LRRC49: variants seen among roughly 807,000 people sequenced by gnomAD.
LRRC49 encodes leucine-rich repeat-containing protein 49.
Under a neutral mutation model 83.3 loss-of-function variants are expected in LRRC49, and 50 were observed. The observed-to-expected ratio is 0.60, with a 90% CI of 0.48 to 0.76. The LOEUF (loss-of-function observed/expected upper bound fraction) is 0.76, where lower values mean the gene tolerates loss of function less well. Among genes scored for constraint, LRRC49 ranks in the 30% least tolerant of loss-of-function variants. The probability of loss-of-function intolerance (pLI) is 0.00; values close to 1 mark genes in which losing one functional copy is unlikely to be tolerated. For synonymous variants in LRRC49, 286 were observed against 283.3 expected (o/e 1.01, Z -0.10); for missense variants, 704 against 809.1 (o/e 0.87, Z 1.58).
Position 71,049,752 on chromosome 15 carries a change from C to T in LRRC49, c.*140C>T, listed in dbSNP as rs1031596943. ...TATAAAAGCATTATTGCCCACTGTT[C>T]TCATAGCTAAAAGTTAAGAAGGAAG... On this transcript the variant is annotated 3_prime_UTR_variant, in exon 16 of 16. Transcript: ENST00000260382. 10 of 587,060 alleles carry T rather than the reference C, an allele frequency of 1.7e-5. No individual in the cohort carries two copies. The highest frequency in any genetic ancestry group is 3.4e-5 in the Admixed American group (1 of 29,456). 36.4% of individuals were successfully genotyped at this position (587,060 alleles called of 1,614,324 possible). A position where few individuals can be genotyped will look rare whatever the true frequency, so the allele number is the denominator to read the frequency against.
chr15:70,936,224 C>T (rs2035592497), intron 7 of LRRC49, among the ~76,000 whole-genome samples: 1 of 152,090 alleles, frequency 6.6e-6, no homozygotes, highest in South Asian at 2.1e-4. Context: ...TTCAGTGACA[C>T]TTACCATGAT....
chr15:70,956,495 C>T (rs1475189882), intron 8 of LRRC49, among the ~76,000 whole-genome samples: 1 of 148,062 alleles, frequency 6.8e-6, no homozygotes, highest in Non-Finnish European at 1.5e-5. Context: ...TTCTTAAACC[C>T]TCTGCCAAAA....
chr15:71,008,821 C>CA (rs1051013186), intron 12 of LRRC49, among the ~76,000 whole-genome samples: 3 of 150,926 alleles, frequency 2.0e-5, no homozygotes, highest in Non-Finnish European at 4.4e-5. Flanking sequence ...AATTCTATCT[C>CA]AAAAAAAATG....
chr15:70,871,316 A>G (rs2033029142), intron 1 of LRRC49, among the ~76,000 whole-genome samples: 1 of 152,210 alleles, frequency 6.6e-6, no homozygotes. Flanking sequence ...AATTTTTCCT[A>G]GTACAGAACA....
At chr15:70,997,760 A>G (rs1046127316) in intron 11 of LRRC49, among the ~76,000 whole-genome samples, 3 of 152,220 alleles carry the variant, frequency 2.0e-5, no homozygotes, top group Non-Finnish European at 4.4e-5. Context: ...TGAAAAAAAG[A>G]AAATCCTTTC....
chr15:71,034,083 T>A (rs1357549136), intron 14 of LRRC49, among the ~76,000 whole-genome samples: 1 of 151,982 alleles, frequency 6.6e-6, no homozygotes, highest in Non-Finnish European at 1.5e-5. Flanking sequence ...GAAACTATCA[T>A]CAGAGCAAAC....
chr15:71,002,244 C>G (rs1223119815), intron 11 of LRRC49, among the ~76,000 whole-genome samples: 1 of 151,892 alleles, frequency 6.6e-6, no homozygotes, highest in Non-Finnish European at 1.5e-5. Context: ...TATTTATAGT[C>G]TTTAGTATTT....
intron 2 of LRRC49, among the ~76,000 whole-genome samples, chr15:70,887,039 TAATC>T (rs1488910639): frequency 6.6e-6 from 1 of 152,146 alleles, no homozygotes; most frequent in Non-Finnish European, 1.5e-5. Context: ...AAAATACTAT[TAATC>T]AAAATGGATA....
At chr15:70,876,461 G>T (rs2033153699) in intron 2 of LRRC49, among the ~76,000 whole-genome samples, 2 of 152,212 alleles carry the variant, frequency 1.3e-5, no homozygotes. Context: ...GGCTATGCAT[G>T]ACATGCTTTG....
chr15:70,883,342 C>T (rs2033316842), intron 2 of LRRC49, among the ~76,000 whole-genome samples: 2 of 152,048 alleles, frequency 1.3e-5, no homozygotes, highest in South Asian at 4.2e-4. Flanking sequence ...CAGGCAGGCG[C>T]CACCACGCCC....
chr15:70,907,976 A>T (rs1233245323), intron 5 of LRRC49: 1 of 455,906 alleles, frequency 2.2e-6, no homozygotes, highest in African/African-American at 2.0e-5. Flanking sequence ...TTTACCTCTG[A>T]ATTCTTTAGA....
chr15:71,030,329 TG>T (rs1439416190), intron 14 of LRRC49, among the ~76,000 whole-genome samples: 1 of 152,174 alleles, frequency 6.6e-6, no homozygotes, highest in Non-Finnish European at 1.5e-5. Context: ...TCTTTAAGAA[TG>T]TTGAATATAG....
At chr15:70,902,611 G>C (rs1186467661) in intron 4 of LRRC49, 1 of 152,280 alleles carries the variant, frequency 6.6e-6, no homozygotes, top group Admixed American at 6.5e-5. Context: ...ATTTCCAAAG[G>C]CAGATCTGCC....
intron 1 of LRRC49, among the ~76,000 whole-genome samples, chr15:70,858,023 T>C (rs1033736513): frequency 6.6e-6 from 1 of 152,242 alleles, no homozygotes; most frequent in Non-Finnish European, 1.5e-5. Context: ...ACTCAGTGTA[T>C]GCTAGTAGAT....
chr15:70,985,540 C>G (rs1345316551), intron 11 of LRRC49, among the ~76,000 whole-genome samples: 3 of 152,086 alleles, frequency 2.0e-5, no homozygotes, highest in East Asian at 3.9e-4. Context: ...CCCTTTGTCA[C>G]ATGAGTAGGT....
At chr15:70,908,020 G>C (rs975915461) in intron 5 of LRRC49, 3 of 455,860 alleles carry the variant, frequency 6.6e-6, no homozygotes, top group Non-Finnish European at 1.3e-5. Flanking sequence ...TCAGGTGTTG[G>C]GGGGTGGAAA....
chr15:70,863,685 G>A (rs4777315), intron 1 of LRRC49, among the ~76,000 whole-genome samples: 83,143 of 152,060 alleles, frequency 0.55, 23,498 homozygotes, highest in Admixed American at 0.69. Context: ...GTGATTTGGG[G>A]GACAGAGTAG....
intron 7 of LRRC49, among the ~76,000 whole-genome samples, chr15:70,923,489 A>T (rs2035081954): frequency 6.6e-6 from 1 of 151,934 alleles, no homozygotes; most frequent in South Asian, 2.1e-4. Flanking sequence ...TTCATTAAGC[A>T]AGTATTTTAT....
intron 11 of LRRC49, among the ~76,000 whole-genome samples, chr15:70,992,404 CT>C (rs1461140119): frequency 6.6e-6 from 1 of 152,228 alleles, no homozygotes; most frequent in Non-Finnish European, 1.5e-5. Context: ...GAATTTTCAG[CT>C]TTTCTGCTCT....
Sources: gnomAD v4.1 joint callset for allele counts (sites outside exome capture counted in the v4.1 genomes callset) on GRCh38, gnomAD v4.1.1 for gene constraint, MANE v1.5 for transcripts, NCBI Gene and HGNC (gene_info 2026-07-23, HGNC 2026-07-21) for gene names.